The following SLC35D1 variants were observed in gnomAD, a reference collection of about 807,000 sequenced individuals.
SLC35D1 encodes solute carrier family 35 member D1.
Under a neutral mutation model 46.7 loss-of-function variants are expected in SLC35D1, and 31 were observed. The observed-to-expected ratio is 0.66, with a 90% CI of 0.50 to 0.90. The LOEUF is 0.90. Among genes scored for constraint, SLC35D1 ranks in the 40% least tolerant of loss-of-function variants. The probability of loss-of-function intolerance (pLI) is 0.00; values close to 1 mark genes in which losing one functional copy is unlikely to be tolerated. For missense variants in SLC35D1, 397 were observed against 426.2 expected, an observed-to-expected ratio of 0.93 and a Z score of 0.60; for synonymous variants, 195 against 164.6, an observed-to-expected ratio of 1.18 and a Z score of -1.41.
chr1:66,997,609 G>A (rs1232855899), downstream of SLC35D1, among the ~76,000 whole-genome samples: 1 of 140,814 alleles, frequency 7.1e-6, no homozygotes, highest in Non-Finnish European at 1.5e-5. Context: ...GTATAAAGAT[G>A]TATCTGTATA....
chr1:66,994,085 A>G, the SLC35D1 span, among the ~76,000 whole-genome samples: 1 of 152,230 alleles, frequency 6.6e-6, no homozygotes, highest in African/African-American at 2.4e-5. Context: ...GTTTGCAAGC[A>G]TGCATGCTTA....
Position 67,054,042 on chromosome 1 carries a change from CGGGGCCTAGCGGCTCG to C in SLC35D1, c.-45_-30del. 1 of 1,602,672 alleles carries C rather than the reference CGGGGCCTAGCGGCTCG, an allele frequency of 6.2e-7. No homozygotes were observed. The highest frequency in any genetic ancestry group is 1.1e-5 in the South Asian group (1 of 90,002). ...TGCCGCAGCAGCGGTGGCCTGGCGG[CGGGGCCTAGCGGCTCG>C]GGGGCCTGCAGCGGCAGCTCCCAGG... On this transcript the variant is annotated 5_prime_UTR_variant, in exon 1 of 12. Coordinates refer to ENST00000235345, the MANE Select transcript of SLC35D1 (RefSeq NM_015139.3).
At chr1:66,985,324 C>T in the SLC35D1 span, 2 of 985,244 alleles carry the variant, frequency 2.0e-6, no homozygotes, top group South Asian at 9.4e-5. Flanking sequence ...CTGCTTAATA[C>T]CAATTTCTCT....
the SLC35D1 span, among the ~76,000 whole-genome samples, chr1:66,991,040 T>G: frequency 1.2e-3 from 184 of 152,328 alleles, no homozygotes; most frequent in Non-Finnish European, 2.1e-3. Flanking sequence ...GATTGTTCTA[T>G]TCTGCCTTTG....
At chr1:67,028,418 T>C (rs1488574226) in intron 8 of SLC35D1, among the ~76,000 whole-genome samples, 3 of 152,216 alleles carry the variant, frequency 2.0e-5, no homozygotes, top group Non-Finnish European at 4.4e-5. Flanking sequence ...TTTTATCAAT[T>C]ACTGAGTTAA....
intron 8 of SLC35D1, among the ~76,000 whole-genome samples, chr1:67,022,452 C>A (rs1302380126): frequency 6.6e-6 from 1 of 152,212 alleles, no homozygotes; most frequent in East Asian, 1.9e-4. Flanking sequence ...TTCCCCTCAA[C>A]ATTCGTCTGA....
intron 8 of SLC35D1, 28 bp downstream of exon 8, chr1:67,042,208 C>A (rs1558164398): frequency 6.4e-7 from 1 of 1,560,996 alleles, no homozygotes. Context: ...TCAACGTAAG[C>A]CATTAAACCG....
intron 6 of SLC35D1, among the ~76,000 whole-genome samples, chr1:67,048,796 T>C (rs752926911): frequency 1.3e-5 from 2 of 152,254 alleles, no homozygotes; most frequent in African/African-American, 4.8e-5. Flanking sequence ...TCCTCATGTA[T>C]TTTAAAACTA....
At chr1:67,021,239 T>C (rs565044174) in intron 9 of SLC35D1, among the ~76,000 whole-genome samples, 19 of 152,214 alleles carry the variant, frequency 1.2e-4, no homozygotes, top group Non-Finnish European at 2.2e-4. Context: ...TAAAGTTCTA[T>C]CTGTCAAATG....
In SLC35D1 at chr1:67,021,746, C is replaced by CAT. The variant is rs1667809867; in HGVS notation, c.730-145_730-144insAT. 5 of 714,938 alleles carry CAT rather than the reference C, an allele frequency of 7.0e-6. No homozygotes were observed. The East Asian group carries it at 1.4e-4, about 20-fold the overall frequency. The allele number at this position is 714,938 out of a possible 1,614,324, so 44.3% of individuals were successfully genotyped here. A position where few individuals can be genotyped will look rare whatever the true frequency, so the allele number is the denominator to read the frequency against. On this transcript the variant is annotated intron_variant, in intron 8 of 11. Transcript: ENST00000235345. The stretch of plus-strand genomic sequence containing the variant: ...ACAGACACACACACACACACACACA[C>CAT]ACACACACACACAGGTATATGTTTC...
chr1:67,000,026 T>C lies in SLC35D1; in HGVS notation c.*4314A>G, dbSNP rs779883582. The C allele has an allele frequency of 2.6e-5, 4 of 151,934 alleles. No homozygotes were observed. The highest frequency in any genetic ancestry group is 4.8e-5 in the African/African-American group (2 of 41,322). 9.4% of individuals were successfully genotyped at this position (151,934 alleles called of 1,614,324 possible). A position where few individuals can be genotyped will look rare whatever the true frequency, so the allele number is the denominator to read the frequency against. ...GGCACACACCTGTAATCCCAGCACT[T>C]TGGGAGGCTGAGACAGAAGGGTTAC... On this transcript the variant is annotated 3_prime_UTR_variant, in exon 12 of 12. Coordinates refer to ENST00000235345, the MANE Select transcript of SLC35D1 (RefSeq NM_015139.3).
At chr1:66,985,192 T>G in the SLC35D1 span, 1 of 978,986 alleles carries the variant, frequency 1.0e-6, no homozygotes, top group African/African-American at 1.7e-5. Flanking sequence ...CTAATTTTGG[T>G]AAATCTGAAT....
At chr1:66,994,603 C>T (rs1348869258), downstream of SLC35D1, among the ~76,000 whole-genome samples, 1 of 151,248 alleles carries the variant, frequency 6.6e-6, no homozygotes, top group East Asian at 1.9e-4. Context: ...GAGATCGCGC[C>T]ACTGCACTCC....
chr1:67,038,665 G>T (rs1355902101), intron 8 of SLC35D1, among the ~76,000 whole-genome samples: 1 of 152,110 alleles, frequency 6.6e-6, no homozygotes, highest in Non-Finnish European at 1.5e-5. Flanking sequence ...TGTTAACTAG[G>T]TATCTTTTAT....
At chr1:67,031,959 T>C (rs1363396514) in intron 8 of SLC35D1, 4 of 692,322 alleles carry the variant, frequency 5.8e-6, no homozygotes, top group African/African-American at 1.9e-5. Context: ...ACATTTAAAA[T>C]GAAACAAAAC....
At chr1:67,009,682 C>A (rs1413647912) in intron 10 of SLC35D1, among the ~76,000 whole-genome samples, 1 of 95,186 alleles carries the variant, frequency 1.1e-5, no homozygotes, top group African/African-American at 4.7e-5. Flanking sequence ...CAAAAAGCAA[C>A]AGATGTTGGC....
chr1:66,980,716 C>T, the SLC35D1 span, among the ~76,000 whole-genome samples: 1 of 151,658 alleles, frequency 6.6e-6, no homozygotes, highest in Non-Finnish European at 1.5e-5. Context: ...CTGTTCTGTG[C>T]CTTGCACAAC....
chr1:67,050,749 T>A (rs919166706), intron 4 of SLC35D1, among the ~76,000 whole-genome samples: 3 of 152,192 alleles, frequency 2.0e-5, no homozygotes, highest in Non-Finnish European at 4.4e-5. Flanking sequence ...ATTCTAATTA[T>A]GCAAAACCCT....
intron 11 of SLC35D1, among the ~76,000 whole-genome samples, chr1:67,006,940 T>C (rs1667462660): frequency 6.6e-6 from 1 of 152,212 alleles, no homozygotes; most frequent in Admixed American, 6.5e-5. Flanking sequence ...AGATGTTCAA[T>C]CTACACTAGC....
Sources: gnomAD v4.1 joint callset for allele counts (sites outside exome capture counted in the v4.1 genomes callset) on GRCh38, gnomAD v4.1.1 for gene constraint, MANE v1.5 for transcripts, NCBI Gene and HGNC (gene_info 2026-07-23, HGNC 2026-07-21) for gene names.